EI24: variants seen among roughly 807,000 people sequenced by gnomAD.
EI24 encodes the protein EI24 autophagy associated transmembrane protein, also known as etoposide-induced protein 2.4 homolog.
In EI24, 21 loss-of-function variants were observed where a neutral mutation model predicts 48.6. The ratio of observed to expected loss-of-function variants is 0.43; its 90% CI spans 0.31 to 0.62. The LOEUF (loss-of-function observed/expected upper bound fraction) is 0.62, where lower values mean the gene tolerates loss of function less well. Ranked by LOEUF, EI24 falls within the 20% of genes least tolerant of loss-of-function variation. The pLI is 0.10. For missense variants in EI24, 280 were observed against 410.5 expected (o/e 0.68, Z 2.75); for synonymous variants, 114 against 145.5 (o/e 0.78, Z 1.56).
intron 2 of EI24, chr11:125,574,611 G>T (rs1375237310): frequency 1.3e-5 from 2 of 152,138 alleles, no homozygotes; most frequent in Non-Finnish European, 2.9e-5. Flanking sequence ...AATCCAGCTT[G>T]GCCATTGCTT....
chr11:125,582,814 G>A (rs1324637514), intron 10 of EI24, among the ~76,000 whole-genome samples: 2 of 152,184 alleles, frequency 1.3e-5, no homozygotes, highest in East Asian at 3.9e-4. Flanking sequence ...GTGGATACTT[G>A]TATTAGAGAC....
chr11:125,581,082 A>ATAT, intron 8 of EI24, 129 bp from the exon 9 acceptor site: 2 of 181,370 alleles, frequency 1.1e-5, no homozygotes, highest in Non-Finnish European at 2.0e-5. Context: ...ATCTCAAATA[A>ATAT]TAATAATAAT....
rs752972383 is a variant in EI24, at chr11:125,583,796, C to T, written c.*113C>T. 12 of 1,413,836 alleles carry T rather than the reference C, an allele frequency of 8.5e-6. 1 individual carries two copies. The highest frequency in any genetic ancestry group is 1.1e-5 in the Non-Finnish European group (11 of 1,033,536). 87.6% of individuals were successfully genotyped at this position (1,413,836 alleles called of 1,614,324 possible). On this transcript the variant is annotated 3_prime_UTR_variant, in exon 11 of 11. Transcript: ENST00000278903. ...CAGGACCCGCTCTGCCAAGGGCCCT[C>T]TGCGTATTCCCTTCTCTCTGAGGAA...
At chr11:125,578,046 AGAG>A in intron 5 of EI24, 84 bp from the exon 6 acceptor site, 1 of 1,516,410 alleles carries the variant, frequency 6.6e-7, no homozygotes, top group Non-Finnish European at 9.1e-7. Flanking sequence ...AGGAGGAGAC[AGAG>A]AATAGTCACG....
intron 5 of EI24, 114 bp downstream of exon 5, chr11:125,577,684 CTTT>C: frequency 1.1e-6 from 1 of 912,456 alleles, no homozygotes; most frequent in Non-Finnish European, 1.7e-6. Context: ...TGTTTATTTT[CTTT>C]TTTGTTGTTT....
At chr11:125,575,052 C>G (rs1938681811) in intron 2 of EI24, among the ~76,000 whole-genome samples, 1 of 151,994 alleles carries the variant, frequency 6.6e-6, no homozygotes, top group South Asian at 2.1e-4. Context: ...ATGGTGAGAT[C>G]CCCATCGCTA....
Position 125,583,673 on chromosome 11 carries a change from C to G in EI24, c.1013C>G (p.Ala338Gly). 2 of 1,612,444 alleles carry G rather than the reference C, an allele frequency of 1.2e-6. No homozygotes were observed. Among genetic ancestry groups the G allele is most frequent in the African/African-American group, 1.3e-5 (1 of 75,018 alleles). ...HPSPAKLKAT[A>G]GH ...TCGCCTGCCAAACTGAAGGCTACTGCAGGTCACTGAGTTGCCTGCCATCCA... is the reference window on the plus strand; with the variant it reads ...TCGCCTGCCAAACTGAAGGCTACTGGAGGTCACTGAGTTGCCTGCCATCCA... Residue 338 changes from alanine to glycine, a missense_variant, in exon 11 of 11, where the codon GCA (alanine) becomes GGA (glycine). By Grantham distance (60) the Ala-to-Gly change is moderately conservative. This residue lies in a region of EI24 where 62 missense variants were observed against 65.1 expected (regional missense o/e 0.95). Coordinates refer to ENST00000278903, the MANE Select transcript of EI24 (RefSeq NM_004879.5).
chr11:125,576,047 C>T (rs1938737193), intron 3 of EI24: 1 of 564,672 alleles, frequency 1.8e-6, no homozygotes, highest in African/African-American at 1.9e-5. Flanking sequence ...ACCACGGCCT[C>T]CCAAAGTGTT....
intron 8 of EI24, among the ~76,000 whole-genome samples, chr11:125,580,468 A>C (rs1938947861): frequency 6.6e-6 from 1 of 152,214 alleles, no homozygotes; most frequent in Non-Finnish European, 1.5e-5. Flanking sequence ...ATAAATGAGC[A>C]TGAGTTGCTC....
chr11:125,576,580 C>T (rs1938756284), intron 4 of EI24, among the ~76,000 whole-genome samples: 1 of 152,182 alleles, frequency 6.6e-6, no homozygotes, highest in Non-Finnish European at 1.5e-5. Context: ...TTAGAGGTAG[C>T]AGTTTCTCTT....
chr11:125,575,903 C>A, intron 3 of EI24: 1 of 393,276 alleles, frequency 2.5e-6, no homozygotes, highest in Admixed American at 3.2e-5. Flanking sequence ...ATTCTTCTGC[C>A]TCAGCGAACC....
intron 1 of EI24, among the ~76,000 whole-genome samples, chr11:125,570,833 T>TAA (rs1565325403): frequency 2.0e-5 from 3 of 152,206 alleles, no homozygotes; most frequent in Non-Finnish European, 4.4e-5. Context: ...CAAACTAGTG[T>TAA]CGTGCATATC....
In EI24 at chr11:125,582,421, G is replaced by GT; in HGVS notation, c.860+2dup. 6.3e-7 allele frequency: 1 copy of GT among 1,595,824 alleles called. No homozygotes were observed. The highest frequency in any genetic ancestry group is 8.5e-7 in the Non-Finnish European group (1 of 1,171,088). On this transcript the variant is annotated splice_donor_variant, in intron 10 of 10. Coordinates refer to ENST00000278903, the MANE Select transcript of EI24 (RefSeq NM_004879.5). LOFTEE classifies it high-confidence loss of function. ...AAGCAAAGACCCCTGGCAAAGCATA[G>GT]TAAGTATTAGCCAGTGATGAAATTT...
At chr11:125,572,643 C>A in intron 2 of EI24, 74 bp downstream of exon 2, 1 of 1,430,152 alleles carries the variant, frequency 7.0e-7, no homozygotes, top group Non-Finnish European at 9.7e-7. Context: ...TCTAGGAAAT[C>A]CTTTAGGGTT....
chr11:125,572,549 T>C lies in EI24; in HGVS notation c.22T>C (p.Phe8Leu). 1.2e-6 allele frequency: 2 copies of C among 1,613,858 alleles called. No individual in the cohort carries two copies. Among genetic ancestry groups the C allele is most frequent in the Non-Finnish European group, 1.7e-6 (2 of 1,179,846 alleles). Residue 8 changes from phenylalanine to leucine, a missense_variant, in exon 2 of 11, where the codon TTT becomes CTT. Coordinates refer to ENST00000278903, the MANE Select transcript of EI24 (RefSeq NM_004879.5). ...AGAGATGGCTGACAGTGTCAAAACC[T>C]TTCTCCAGGACCTTGCCAGAGTGAG... MADSVKT[F>L]LQDLARGIKD...
At position 125,572,624 on chromosome 11, in the gene EI24, A is replaced by G; in HGVS notation, c.42+55A>G. 20 of 1,507,620 alleles carry G rather than the reference A, an allele frequency of 1.3e-5. No homozygotes were observed. The South Asian group carries it at 1.9e-4, about 14-fold the overall frequency. 93.4% of individuals were successfully genotyped at this position (1,507,620 alleles called of 1,614,324 possible). A position where few individuals can be genotyped will look rare whatever the true frequency, so the allele number is the denominator to read the frequency against. On this transcript the variant is annotated intron_variant, in intron 2 of 10. Coordinates refer to ENST00000278903, the MANE Select transcript of EI24 (RefSeq NM_004879.5). ...CTCTCGGCCTTTTTTTTTTTTGCTG[A>G]AGGAACCATCTAGGAAATCCTTTAG...
At chr11:125,577,378 C>T (rs965510017) in intron 4 of EI24, 126 bp from the exon 5 acceptor site, 14 of 883,426 alleles carry the variant, frequency 1.6e-5, no homozygotes, top group East Asian at 7.5e-5. Context: ...CATGAGCCAC[C>T]GCGCCCGGCC....
chr11:125,581,430 C>A, intron 9 of EI24, 108 bp downstream of exon 9: 2 of 580,290 alleles, frequency 3.4e-6, no homozygotes, highest in Admixed American at 2.7e-5. Flanking sequence ...ATCATTTGTC[C>A]ATCAGGAGAC....
chr11:125,569,797 A>G (rs557104285), intron 1 of EI24: 57 of 273,032 alleles, frequency 2.1e-4, no homozygotes, highest in Non-Finnish European at 3.4e-4. Flanking sequence ...TGTGACCCGG[A>G]GCGTGCGTGA....
Sources: allele counts gnomAD v4.1 joint callset (sites outside exome capture counted in the v4.1 genomes callset), GRCh38; gene constraint gnomAD v4.1.1; regional missense constraint gnomAD v4.1.1; transcripts MANE v1.5; gene names NCBI Gene and HGNC (gene_info 2026-07-23, HGNC 2026-07-21).